Variants in SPATA6 observed in about 807,000 individuals in gnomAD.
SPATA6 encodes the protein spermatogenesis-associated protein 6.
In SPATA6, 56 loss-of-function variants were observed where a neutral mutation model predicts 65.3. That is an observed-to-expected ratio of 0.86 (90% confidence interval 0.69 to 1.07). The LOEUF (loss-of-function observed/expected upper bound fraction) is 1.07. SPATA6 is among the 50% of genes least tolerant of loss of function. The pLI is 0.00. For missense variants in SPATA6, 590 were observed against 594.8 expected (o/e 0.99, Z 0.08); for synonymous variants, 199 against 213.2 (o/e 0.93, Z 0.58).
intron 3 of SPATA6, among the ~76,000 whole-genome samples, chr1:48,447,235 G>A (rs1570607895): frequency 6.6e-6 from 1 of 152,070 alleles, no homozygotes; most frequent in African/African-American, 2.4e-5. Context: ...AAAGTTATAC[G>A]TGGCCAGGCA....
At chr1:48,287,558 A>C in the SPATA6 span, among the ~76,000 whole-genome samples, 1 of 152,154 alleles carries the variant, frequency 6.6e-6, no homozygotes, top group Non-Finnish European at 1.5e-5. Flanking sequence ...GTTCTTTCTC[A>C]AGTAGTTCAC....
intron 11 of SPATA6, among the ~76,000 whole-genome samples, chr1:48,353,552 A>G (rs1646573158): frequency 6.6e-6 from 1 of 151,938 alleles, no homozygotes; most frequent in South Asian, 2.1e-4. Flanking sequence ...TGCTGTAGCT[A>G]TACTAATATC....
At chr1:48,430,057 A>G (rs1654256212) in intron 3 of SPATA6, among the ~76,000 whole-genome samples, 1 of 152,184 alleles carries the variant, frequency 6.6e-6, no homozygotes, top group Non-Finnish European at 1.5e-5. Context: ...AAGAGAGAGA[A>G]AGGAGCAAAG....
At chr1:48,316,514 C>T (rs1236209659) in intron 11 of SPATA6, among the ~76,000 whole-genome samples, 1 of 152,144 alleles carries the variant, frequency 6.6e-6, no homozygotes, top group Non-Finnish European at 1.5e-5. Context: ...CTTCCTACAC[C>T]TTATACAAAA....
intron 3 of SPATA6, chr1:48,436,911 T>A: frequency 6.2e-7 from 1 of 1,613,466 alleles, no homozygotes. Context: ...TTGGAGAAAG[T>A]GTGCTTGTCT....
intron 11 of SPATA6, among the ~76,000 whole-genome samples, chr1:48,338,157 C>T (rs1489930986): frequency 6.6e-6 from 1 of 151,920 alleles, no homozygotes; most frequent in Non-Finnish European, 1.5e-5. Flanking sequence ...GAATGACTCA[C>T]ATATATACAA....
intron 11 of SPATA6, among the ~76,000 whole-genome samples, chr1:48,313,929 A>G (rs141703257): frequency 1.3e-5 from 2 of 152,126 alleles, no homozygotes; most frequent in Non-Finnish European, 2.9e-5. Context: ...CAACAAAGAT[A>G]AAAAGAGACA....
downstream of SPATA6, among the ~76,000 whole-genome samples, chr1:48,292,526 G>C (rs1017618066): frequency 7.2e-5 from 11 of 152,192 alleles, no homozygotes; most frequent in African/African-American, 2.7e-4. Context: ...ACAACAGGAG[G>C]GTTGGTGGCA....
intron 3 of SPATA6, among the ~76,000 whole-genome samples, chr1:48,443,779 C>G (rs1427403951): frequency 6.6e-6 from 1 of 152,190 alleles, no homozygotes; most frequent in African/African-American, 2.4e-5. Flanking sequence ...CTTTCTAGGT[C>G]CCGTGACAGC....
the SPATA6 span, among the ~76,000 whole-genome samples, chr1:48,277,614 G>A: frequency 6.6e-6 from 1 of 152,240 alleles, no homozygotes; most frequent in East Asian, 1.9e-4. Context: ...CAAGGTGGCA[G>A]CCAGGCTGGG....
intron 3 of SPATA6, chr1:48,436,969 T>C (rs1355094673): frequency 1.3e-5 from 21 of 1,611,702 alleles, no homozygotes; most frequent in Non-Finnish European, 1.6e-5. Context: ...CACACCATCC[T>C]CAAAAACTTT....
rs1645048389 is a variant in SPATA6 at position 48,305,844 on chromosome 1, T to C, written c.1229A>G (p.Glu410Gly). 6.2e-7 allele frequency: 1 copy of C among 1,612,324 alleles called. No homozygotes were observed. The highest frequency in any genetic ancestry group is 8.5e-7 in the Non-Finnish European group (1 of 1,178,906). The change falls in exon 12 of 13, where the codon GAA (glutamate) becomes GGA (glycine). Residue 410 changes from glutamate to glycine, a missense_variant. By Grantham distance (98) the Glu-to-Gly change is moderately conservative. Transcript: ENST00000371847. ...TCTACATAAAAGACTTCTTTTCAGTTCCAGTTCATCATCTTTCTCTAGGTC... is the reference window on the plus strand; with the variant it reads ...TCTACATAAAAGACTTCTTTTCAGTCCCAGTTCATCATCTTTCTCTAGGTC... ...ERDLEKDDEL[E>G]LKRSLLCRDS...
At chr1:48,299,611 T>C (rs1477076144) in intron 12 of SPATA6, among the ~76,000 whole-genome samples, 2 of 151,538 alleles carry the variant, frequency 1.3e-5, no homozygotes, top group Admixed American at 1.3e-4. Context: ...CTGTGAGACC[T>C]TGGGCAATTT....
chr1:48,381,233 A>G (rs1172889905), intron 9 of SPATA6, among the ~76,000 whole-genome samples: 1 of 152,150 alleles, frequency 6.6e-6, no homozygotes, highest in Admixed American at 6.5e-5. Flanking sequence ...CCTGCTATAC[A>G]GGAAGAGCCC....
At chr1:48,436,412 G>A in intron 3 of SPATA6, 2 of 1,610,332 alleles carry the variant, frequency 1.2e-6, no homozygotes, top group East Asian at 2.2e-5. Flanking sequence ...CAACTCTTGA[G>A]GACCTGTTTT....
At chr1:48,336,832 A>T (rs1308330705) in intron 11 of SPATA6, among the ~76,000 whole-genome samples, 1 of 151,976 alleles carries the variant, frequency 6.6e-6, no homozygotes, top group Non-Finnish European at 1.5e-5. Context: ...ATATCATGAA[A>T]ATCTTCATAT....
At chr1:48,369,504 C>A (rs1243734411) in intron 9 of SPATA6, among the ~76,000 whole-genome samples, 1 of 152,234 alleles carries the variant, frequency 6.6e-6, no homozygotes, top group African/African-American at 2.4e-5. Flanking sequence ...CCCAGCCTGG[C>A]TGCCGCCTTG....
At chr1:48,323,374 C>A (rs1374182696) in intron 11 of SPATA6, among the ~76,000 whole-genome samples, 1 of 149,086 alleles carries the variant, frequency 6.7e-6, no homozygotes, top group East Asian at 2.0e-4. Context: ...ACAATGAGAA[C>A]ACATGGACAC....
intron 9 of SPATA6, among the ~76,000 whole-genome samples, chr1:48,370,228 T>G (rs746716413): frequency 2.0e-5 from 3 of 152,152 alleles, no homozygotes; most frequent in Admixed American, 6.5e-5. Flanking sequence ...CTCTAAAGTT[T>G]CTCTTCTGTC....
Sources: allele counts gnomAD v4.1 joint callset (sites outside exome capture counted in the v4.1 genomes callset), GRCh38; gene constraint gnomAD v4.1.1; transcripts MANE v1.5; gene names NCBI Gene and HGNC (gene_info 2026-07-23, HGNC 2026-07-21).